Variants in TRPM6 observed in about 807,000 individuals in gnomAD.
TRPM6 encodes the protein transient receptor potential cation channel subfamily M member 6.
Under a neutral mutation model 247.6 loss-of-function variants are expected in TRPM6, and 111 were observed. The observed-to-expected ratio is 0.45, with a 90% CI of 0.38 to 0.52. TRPM6 has a LOEUF of 0.52. Among genes scored for constraint, TRPM6 ranks in the 20% least tolerant of loss-of-function variants. The pLI is 0.00. For missense variants in TRPM6, 2,126 were observed against 2,421.5 expected, an observed-to-expected ratio of 0.88 and a Z score of 2.56; for synonymous variants, 892 against 853.8, an observed-to-expected ratio of 1.04 and a Z score of -0.78.
At chr9:74,875,329 G>A (rs1255069351) in intron 1 of TRPM6, 2 of 444,298 alleles carry the variant, frequency 4.5e-6, no homozygotes, top group Non-Finnish European at 4.5e-6. Flanking sequence ...GATCACCTCA[G>A]GTCAGGAGTT....
At chr9:74,792,597 G>A (rs775500756) in intron 19 of TRPM6, 27 bp downstream of exon 19, 21 of 1,608,900 alleles carry the variant, frequency 1.3e-5, no homozygotes, top group Admixed American at 1.7e-5. Context: ...TCATTAATCC[G>A]ACATATATTG....
rs1292305225 is a variant in TRPM6 at position 74,724,660 on chromosome 9, C to T, written c.6022G>A (p.Ala2008Thr). ...IKIESAEEPP[A>T]RETGRNSPED... The stretch of plus-strand genomic sequence containing the variant: ...GGGGAATTTCTACCCGTCTCCCTTG[C>T]TGGAGGCTCCTCAGCTGATTCTATT... Residue 2008 changes from alanine (A) to threonine (T), a missense_variant, in exon 39 of 39, where the codon GCA (alanine) becomes ACA (threonine). By Grantham distance (58) the Ala-to-Thr change is moderately conservative (BLOSUM62 0). Around this residue, in one of 3 missense-constraint regions of TRPM6, gnomAD observed 327 missense variants for 397.7 expected, o/e 0.82. Coordinates refer to ENST00000360774, the MANE Select transcript of TRPM6 (RefSeq NM_017662.5). 6.2e-7 allele frequency: 1 copy of T among 1,614,082 alleles called. No homozygotes were observed. Among genetic ancestry groups the T allele is most frequent in the Non-Finnish European group, 8.5e-7 (1 of 1,180,038 alleles).
intron 1 of TRPM6, among the ~76,000 whole-genome samples, chr9:74,863,701 G>A (rs1490934811): frequency 1.3e-5 from 2 of 152,006 alleles, no homozygotes; most frequent in East Asian, 1.9e-4. Flanking sequence ...TCCTGCCTCA[G>A]CCTCCTGAGT....
chr9:74,753,377 A>G (rs1826326106), intron 28 of TRPM6, among the ~76,000 whole-genome samples: 1 of 152,084 alleles, frequency 6.6e-6, no homozygotes, highest in African/African-American at 2.4e-5. Context: ...GAAAAAAAAA[A>G]GTATACAAGA....
At chr9:74,761,898 G>T in intron 26 of TRPM6, 90 bp from the exon 27 acceptor site, 2 of 1,503,216 alleles carry the variant, frequency 1.3e-6, no homozygotes, top group Non-Finnish European at 9.3e-7. Context: ...TGGGGAGAAT[G>T]ACAATGTGGT....
chr9:74,792,149 G>A (rs938306610), intron 19 of TRPM6, among the ~76,000 whole-genome samples: 3 of 152,190 alleles, frequency 2.0e-5, no homozygotes, highest in Non-Finnish European at 4.4e-5. Context: ...ATCTTTGAAT[G>A]CTGTCTCCCT....
At chr9:74,845,893 T>G (rs2118239051) in intron 3 of TRPM6, among the ~76,000 whole-genome samples, 1 of 152,166 alleles carries the variant, frequency 6.6e-6, no homozygotes, top group African/African-American at 2.4e-5. Flanking sequence ...TGAATAAAAC[T>G]AACAAAAATA....
At chr9:74,806,149 T>A (rs1170865586) in intron 14 of TRPM6, among the ~76,000 whole-genome samples, 5 of 152,260 alleles carry the variant, frequency 3.3e-5, no homozygotes, top group Admixed American at 3.3e-4. Context: ...TGGCCATTGT[T>A]GCTATTATTG....
intron 1 of TRPM6, among the ~76,000 whole-genome samples, chr9:74,866,038 C>T (rs902834922): frequency 2.6e-5 from 4 of 152,182 alleles, no homozygotes; most frequent in South Asian, 2.1e-4. Context: ...TGGTGGCTCA[C>T]GCCTAGAATC....
intron 16 of TRPM6, among the ~76,000 whole-genome samples, chr9:74,800,904 G>T (rs4991745): frequency 0.43 from 46,846 of 110,102 alleles, 9,928 homozygotes; most frequent in African/African-American, 0.66. Context: ...AATAAAGTGT[G>T]TTTTTTTTTT....
At chr9:74,855,380 T>G (rs1330156324) in intron 3 of TRPM6, 147 bp downstream of exon 3, 1 of 700,384 alleles carries the variant, frequency 1.4e-6, no homozygotes, top group East Asian at 2.6e-5. Context: ...TCACTCTCCA[T>G]CAAAAACATC....
At chr9:74,776,601 T>G (rs1827231488) in intron 23 of TRPM6, among the ~76,000 whole-genome samples, 1 of 152,308 alleles carries the variant, frequency 6.6e-6, no homozygotes, top group East Asian at 1.9e-4. Context: ...CCAGACAAAT[T>G]ATTTACATTA....
intron 14 of TRPM6, among the ~76,000 whole-genome samples, chr9:74,807,542 A>G (rs1399800552): frequency 1.3e-5 from 2 of 152,178 alleles, no homozygotes; most frequent in African/African-American, 4.8e-5. Flanking sequence ...GGAAAATAAA[A>G]TATGTATCAC....
intron 23 of TRPM6, among the ~76,000 whole-genome samples, chr9:74,779,841 A>C (rs1215496216): frequency 6.6e-6 from 1 of 152,178 alleles, no homozygotes; most frequent in African/African-American, 2.4e-5. Context: ...ATGTGGTTGG[A>C]GAGGAATGGG....
chr9:74,754,175 T>C (rs1477748873), intron 28 of TRPM6, among the ~76,000 whole-genome samples: 1 of 152,064 alleles, frequency 6.6e-6, no homozygotes, highest in Non-Finnish European at 1.5e-5. Flanking sequence ...TTATCCAAAT[T>C]TATGGTCTCT....
intron 28 of TRPM6, among the ~76,000 whole-genome samples, chr9:74,753,110 C>CAAAA (rs35980332): frequency 1.9e-4 from 20 of 104,088 alleles, no homozygotes; most frequent in South Asian, 3.4e-4. Flanking sequence ...GAGACTGTCT[C>CAAAA]AAAAAAAAAA....
At position 74,738,555 on chromosome 9, in the gene TRPM6, C is replaced by T. The variant is rs774426325; in HGVS notation, c.5628G>A (p.Glu1876=). 41 of 1,613,988 alleles carry T rather than the reference C, an allele frequency of 2.5e-5. No individual in the cohort carries two copies. Among genetic ancestry groups the T allele is most frequent in the Non-Finnish European group, 3.4e-5 (40 of 1,180,006 alleles). Residue 1876 remains glutamate, a synonymous_variant, in exon 36 of 39, where the codon GAG becomes GAA. Coordinates refer to ENST00000360774, the MANE Select transcript of TRPM6 (RefSeq NM_017662.5). The stretch of plus-strand genomic sequence containing the variant: ...TCCGGAACTCCCCTGTCATATACTT[C>T]TCAATGGTCAACCACTGGTTGGCTG... ...CHSANQWLTI[E]KYMTGEFRKY...
At chr9:74,806,039 C>A (rs1828514891) in intron 14 of TRPM6, among the ~76,000 whole-genome samples, 1 of 151,972 alleles carries the variant, frequency 6.6e-6, no homozygotes, top group African/African-American at 2.4e-5. Flanking sequence ...ATCATAATTA[C>A]ATTTTCCTAA....
chr9:74,882,828 G>A (rs1021152040), intron 1 of TRPM6, among the ~76,000 whole-genome samples: 2 of 152,184 alleles, frequency 1.3e-5, no homozygotes, highest in Non-Finnish European at 2.9e-5. Flanking sequence ...CTACAAAGGA[G>A]TCTGTGTGAG....
Sources: allele counts gnomAD v4.1 joint callset (sites outside exome capture counted in the v4.1 genomes callset), GRCh38; gene constraint gnomAD v4.1.1; regional missense constraint gnomAD v4.1.1; transcripts MANE v1.5; gene names NCBI Gene and HGNC (gene_info 2026-07-23, HGNC 2026-07-21).